The following CTNNA2 variants were observed in gnomAD, a reference collection of about 807,000 sequenced individuals.
CTNNA2 encodes the protein catenin alpha 2.
A neutral mutation model predicts 101.0 loss-of-function variants in CTNNA2; 42 were observed. That is an observed-to-expected ratio of 0.42 (90% confidence interval 0.32 to 0.54). CTNNA2 has a LOEUF of 0.54. Among genes scored for constraint, CTNNA2 ranks in the 20% least tolerant of loss-of-function variants. The probability of loss-of-function intolerance (pLI) is 0.14; values close to 1 mark genes in which losing one functional copy is unlikely to be tolerated. For missense variants in CTNNA2, 871 were observed against 1,223.1 expected, an observed-to-expected ratio of 0.71 and a Z score of 4.29; for synonymous variants, 450 against 456.4, an observed-to-expected ratio of 0.99 and a Z score of 0.18.
intron 7 of CTNNA2, among the ~76,000 whole-genome samples, chr2:80,187,687 C>T (rs190525085): frequency 2.0e-5 from 3 of 152,074 alleles, no homozygotes; most frequent in Admixed American, 6.5e-5. Flanking sequence ...CAGCAACATC[C>T]GTAGAGGAAG....
At chr2:80,441,155 A>G (rs186343910) in intron 9 of CTNNA2, among the ~76,000 whole-genome samples, 1 of 152,202 alleles carries the variant, frequency 6.6e-6, no homozygotes, top group Non-Finnish European at 1.5e-5. Flanking sequence ...TAAATCCTAC[A>G]TGGTGGGTGG....
intron 9 of CTNNA2, among the ~76,000 whole-genome samples, chr2:80,539,576 T>C (rs1037277197): frequency 6.6e-6 from 1 of 152,174 alleles, no homozygotes; most frequent in Non-Finnish European, 1.5e-5. Flanking sequence ...CTAAAGTTTT[T>C]GGGGTCAGCA....
chr2:80,032,571 A>G (rs1310110514), intron 7 of CTNNA2, among the ~76,000 whole-genome samples: 1 of 152,204 alleles, frequency 6.6e-6, no homozygotes, highest in African/African-American at 2.4e-5. Flanking sequence ...CACTACTAAT[A>G]TGACAAAATA....
rs901847845 is a variant in CTNNA2, at chr2:80,226,371, C to A, written c.1057-166840C>A. ...CTATGACTAGATCTTGAGAGTGTTACCAGAGGTTCAAGGTCACACAGCTGC... is the reference window on the plus strand; with the variant it reads ...CTATGACTAGATCTTGAGAGTGTTAACAGAGGTTCAAGGTCACACAGCTGC... On this transcript the variant is annotated intron_variant, in intron 7 of 18. Coordinates refer to ENST00000402739, the MANE Select transcript of CTNNA2 (RefSeq NM_001282597.3). 2.6e-4 allele frequency among the ~76,000 whole-genome samples: 40 copies of A among 152,192 alleles called. 1 individual carries two copies. The highest frequency in any genetic ancestry group is 1.5e-5 in the Non-Finnish European group (1 of 68,040).
intron 7 of CTNNA2, among the ~76,000 whole-genome samples, chr2:80,004,189 C>A (rs1476139947): frequency 6.6e-6 from 1 of 152,054 alleles, no homozygotes; most frequent in Non-Finnish European, 1.5e-5. Flanking sequence ...GTACAGTCTC[C>A]TTTATATTTA....
chr2:80,491,417 G>A (rs954336643), intron 9 of CTNNA2, among the ~76,000 whole-genome samples: 4 of 152,198 alleles, frequency 2.6e-5, no homozygotes, highest in African/African-American at 7.2e-5. Context: ...ACTGTTCCAT[G>A]TGTAGTTAGA....
intron 4 of CTNNA2, among the ~76,000 whole-genome samples, chr2:79,403,717 T>C (rs1678312694): frequency 6.6e-6 from 1 of 151,838 alleles, no homozygotes. Flanking sequence ...TTAAAAGCAA[T>C]GAGATGCCAG....
rs189928251 is a variant in CTNNA2, at chr2:79,403,441, C to T, written c.-135+29428C>T. Among the ~76,000 whole-genome samples the T allele has an allele frequency of 2.6e-5, 4 of 151,980 alleles. No homozygotes were observed. In the East Asian group the frequency reaches 5.8e-4, roughly 22 times the overall value. ...ATTATATTTCAGTCCCTCAACTGAACTAACCATATTTTAAGTACTCCCTAG... is the reference window on the plus strand; with the variant it reads ...ATTATATTTCAGTCCCTCAACTGAATTAACCATATTTTAAGTACTCCCTAG... On this transcript the variant is annotated intron_variant, in intron 4 of 21. Transcript: ENST00000466387.
chr2:79,804,928 C>T (rs996322259), intron 3 of CTNNA2, among the ~76,000 whole-genome samples: 7 of 152,086 alleles, frequency 4.6e-5, no homozygotes, highest in African/African-American at 1.7e-4. Flanking sequence ...GAAATTGCCC[C>T]TGTGAAGAGT....
chr2:80,060,472 A>C (rs1249490923), intron 7 of CTNNA2, among the ~76,000 whole-genome samples: 1 of 152,154 alleles, frequency 6.6e-6, no homozygotes, highest in Non-Finnish European at 1.5e-5. Context: ...AACAGGGCAA[A>C]ACCATTCAAT....
intron 7 of CTNNA2, among the ~76,000 whole-genome samples, chr2:80,022,708 C>G (rs1340985284): frequency 6.6e-6 from 1 of 152,156 alleles, no homozygotes; most frequent in African/African-American, 2.4e-5. Flanking sequence ...TGTTGTCTTT[C>G]TCATGACAGG....
intron 7 of CTNNA2, among the ~76,000 whole-genome samples, chr2:79,987,047 C>T (rs1691817104): frequency 6.6e-6 from 1 of 152,084 alleles, no homozygotes; most frequent in African/African-American, 2.4e-5. Context: ...AGCCCCGGGC[C>T]CAGAGTGCTG....
chr2:79,514,205 G>T (rs1671683248), intron 1 of CTNNA2, among the ~76,000 whole-genome samples: 1 of 152,222 alleles, frequency 6.6e-6, no homozygotes, highest in African/African-American at 2.4e-5. Flanking sequence ...AAGGGTGGAA[G>T]AGAGGTACTT....
rs191620095 is a variant in CTNNA2, at chr2:79,563,083, A to G, written c.-6+49876A>G. 3.3e-5 allele frequency among the ~76,000 whole-genome samples: 5 copies of G among 151,660 alleles called. No homozygotes were observed. In the East Asian group the frequency reaches 9.7e-4, roughly 29 times the overall value. ...GTATAAACGTAGCTGACATGATCCA[A>G]TATGTGATTCATAATGTTTTACAGA... On this transcript the variant is annotated intron_variant, in intron 1 of 18. Coordinates refer to ENST00000402739, the MANE Select transcript of CTNNA2 (RefSeq NM_001282597.3).
chr2:80,230,439 G>T (rs1709138825), intron 7 of CTNNA2, among the ~76,000 whole-genome samples: 1 of 151,592 alleles, frequency 6.6e-6, no homozygotes. Context: ...CAACATTGTG[G>T]GTGTTTTTTC....
intron 18 of CTNNA2, among the ~76,000 whole-genome samples, chr2:80,628,648 A>C (rs1671951923): frequency 6.6e-6 from 1 of 152,030 alleles, no homozygotes; most frequent in African/African-American, 2.4e-5. Context: ...GTTGTTCCGC[A>C]AACAGTTTAA....
At chr2:80,176,862 T>TCTTAA (rs1266349742) in intron 7 of CTNNA2, among the ~76,000 whole-genome samples, 2 of 152,214 alleles carry the variant, frequency 1.3e-5, no homozygotes, top group African/African-American at 4.8e-5. Flanking sequence ...CAAGTGGCAA[T>TCTTAA]CTTAACTTCC....
rs187996480 is a variant in CTNNA2, at chr2:80,045,000, G to A, written c.1056+135203G>A. Among the ~76,000 whole-genome samples, 37 of 152,234 alleles carry A rather than the reference G, an allele frequency of 2.4e-4. No individual in the cohort carries two copies. In the East Asian group the frequency reaches 5.8e-3, roughly 24 times the overall value. ...GCTGGGCACCCAAGATGGCTTACTC[G>A]GTTGCATGAGGGTTTATTTGGCGGC... On this transcript the variant is annotated intron_variant, in intron 7 of 18. Coordinates refer to ENST00000402739, the MANE Select transcript of CTNNA2 (RefSeq NM_001282597.3).
intron 3 of CTNNA2, among the ~76,000 whole-genome samples, chr2:79,335,547 T>G (rs1358264229): frequency 6.6e-6 from 1 of 152,218 alleles, no homozygotes; most frequent in South Asian, 2.1e-4. Flanking sequence ...ATTTACATTT[T>G]TTCACAAAAG....
Sources: allele counts gnomAD v4.1 joint callset (sites outside exome capture counted in the v4.1 genomes callset), GRCh38; gene constraint gnomAD v4.1.1; transcripts MANE v1.5; gene names NCBI Gene and HGNC (gene_info 2026-07-23, HGNC 2026-07-21).